Variants in NBAS observed in about 807,000 individuals in gnomAD.
The protein encoded by NBAS is NBAS subunit of NRZ tethering complex.
A neutral mutation model predicts 302.5 loss-of-function variants in NBAS; 219 were observed. The observed-to-expected ratio is 0.72, with a 90% CI of 0.65 to 0.81. The LOEUF (loss-of-function observed/expected upper bound fraction) is 0.81, where lower values mean the gene tolerates loss of function less well. Among genes scored for constraint, NBAS ranks in the 30% least tolerant of loss-of-function variants. The pLI is 0.00. For missense variants in NBAS, 2,932 were observed against 2,841.6 expected, an observed-to-expected ratio of 1.03 and a Z score of -0.72; for synonymous variants, 1,118 against 1,021.6, an observed-to-expected ratio of 1.09 and a Z score of -1.80.
chr2:15,016,385 C>A, the NBAS span, among the ~76,000 whole-genome samples: 91 of 152,156 alleles, frequency 6.0e-4, no homozygotes, highest in African/African-American at 2.0e-3. Flanking sequence ...GGGACACAGA[C>A]AAACTATATC....
intron 35 of NBAS, among the ~76,000 whole-genome samples, chr2:15,339,011 T>C (rs1672727175): frequency 1.3e-5 from 2 of 152,020 alleles, no homozygotes; most frequent in African/African-American, 4.8e-5. Flanking sequence ...CCAAACCCTG[T>C]CTCTAAAAAA....
At chr2:14,782,745 G>A in the NBAS span, among the ~76,000 whole-genome samples, 1 of 152,034 alleles carries the variant, frequency 6.6e-6, no homozygotes, top group African/African-American at 2.4e-5. Context: ...AGAAAACATG[G>A]TACATATACA....
intron 9 of NBAS, 103 bp downstream of exon 9, chr2:15,534,440 A>T (rs1663383148): frequency 3.5e-6 from 3 of 857,684 alleles, no homozygotes; most frequent in Non-Finnish European, 6.1e-6. Context: ...GCACAAGAGG[A>T]GGAAATTAAG....
chr2:15,008,446 C>T, the NBAS span, among the ~76,000 whole-genome samples: 1 of 152,228 alleles, frequency 6.6e-6, no homozygotes, highest in African/African-American at 2.4e-5. Flanking sequence ...CAAGTGGCCT[C>T]TCCAAGGTCC....
At chr2:15,479,032 C>CA (rs771400468) in intron 12 of NBAS, among the ~76,000 whole-genome samples, 3 of 152,046 alleles carry the variant, frequency 2.0e-5, no homozygotes, top group Non-Finnish European at 4.4e-5. Flanking sequence ...ATACTTAAGT[C>CA]AAAAAACTGT....
chr2:15,424,184 A>G (rs1677347394), intron 23 of NBAS, 131 bp downstream of exon 23: 248 of 854,474 alleles, frequency 2.9e-4, no homozygotes, highest in Non-Finnish European at 4.4e-4. Flanking sequence ...AGAAATAAAT[A>G]TTCAATTCAT....
chr2:14,991,467 A>T, the NBAS span, among the ~76,000 whole-genome samples: 2 of 152,184 alleles, frequency 1.3e-5, no homozygotes, highest in African/African-American at 4.8e-5. Flanking sequence ...TGTTGCAGGG[A>T]ACCACAGCCT....
intron 9 of NBAS, among the ~76,000 whole-genome samples, chr2:15,528,511 TAC>T (rs202131112): frequency 6.9e-5 from 6 of 87,096 alleles, no homozygotes; most frequent in East Asian, 2.0e-4. Context: ...TATACATATA[TAC>T]ACACACACAC....
Position 15,307,940 on chromosome 2 carries a change from T to C in NBAS, c.4797+276A>G, listed in dbSNP as rs59425926. ...CTCCATTTTGCCTTTCCTACTACTT[T>C]AGCCATTCCTAAGAACTTAGTAAAA... On this transcript the variant is annotated intron_variant, in intron 40 of 51. Coordinates refer to ENST00000281513, the MANE Select transcript of NBAS (RefSeq NM_015909.4). Among the ~76,000 whole-genome samples, 593 of 152,362 alleles carry C rather than the reference T, an allele frequency of 3.9e-3. 7 individuals are homozygous for C. Among genetic ancestry groups the C allele is most frequent in the African/African-American group, 0.013 (555 of 41,590 alleles).
chr2:15,190,513 T>C, intron 48 of NBAS, 110 bp from the exon 49 acceptor site: 1 of 1,309,996 alleles, frequency 7.6e-7, no homozygotes, highest in Non-Finnish European at 1.1e-6. Flanking sequence ...TTTTACAATG[T>C]GTTAAGATTC....
chr2:15,291,780 T>C (rs979804705), intron 41 of NBAS, among the ~76,000 whole-genome samples: 1 of 152,202 alleles, frequency 6.6e-6, no homozygotes, highest in African/African-American at 2.4e-5. Flanking sequence ...TGCCATGTGC[T>C]TTGAAAACTG....
intron 9 of NBAS, among the ~76,000 whole-genome samples, chr2:15,532,350 T>G (rs2111452): frequency 0.64 from 96,608 of 151,462 alleles, 31,523 homozygotes; most frequent in Non-Finnish European, 0.68. Context: ...TTAGCCGGGC[T>G]TGGTGGCAGG....
At chr2:15,418,119 G>A (rs756768470) in intron 23 of NBAS, among the ~76,000 whole-genome samples, 2 of 152,112 alleles carry the variant, frequency 1.3e-5, no homozygotes, top group Non-Finnish European at 2.9e-5. Context: ...CAAAAAGAAT[G>A]TTTGTTTTGA....
In NBAS at chr2:15,461,325, G is replaced by C; in HGVS notation, c.2215C>G (p.Gln739Glu). Residue 739 changes from glutamine to glutamate, a missense_variant, in exon 21 of 52, where the codon CAA becomes GAA. Physicochemically the swap from Gln to Glu is conservative, Grantham distance 29. Transcript: ENST00000281513. ...TAAGTAAACAGAATTTCCAGGGCTT[G>C]TACATTACTTTCCTGTACAAAAGGC... Reference protein sequence around the residue: ...ARTYAQESNVQALEILFTYHG... With the variant: ...ARTYAQESNVEALEILFTYHG... 1 of 1,612,150 alleles carries C rather than the reference G, an allele frequency of 6.2e-7. No homozygotes were observed. Among genetic ancestry groups the C allele is most frequent in the Non-Finnish European group, 8.5e-7 (1 of 1,178,348 alleles).
the NBAS span, among the ~76,000 whole-genome samples, chr2:14,953,731 T>C: frequency 1.4e-4 from 21 of 151,906 alleles, no homozygotes; most frequent in African/African-American, 4.8e-4. Context: ...AAAAGAAGAG[T>C]AGCACTGGAG....
intron 6 of NBAS, 136 bp downstream of exon 6, chr2:15,551,357 A>C (rs1664374874): frequency 9.3e-6 from 5 of 535,422 alleles, no homozygotes; most frequent in African/African-American, 3.9e-5. Flanking sequence ...AAAAAAAAGC[A>C]GTTTTTAAAA....
At chr2:14,926,216 A>T in the NBAS span, among the ~76,000 whole-genome samples, 1 of 152,190 alleles carries the variant, frequency 6.6e-6, no homozygotes, top group Non-Finnish European at 1.5e-5. Flanking sequence ...CCCATACTAC[A>T]ATTACGGGAA....
chr2:14,975,150 T>C, the NBAS span, among the ~76,000 whole-genome samples: 10,214 of 152,152 alleles, frequency 0.067, 883 homozygotes, highest in African/African-American at 0.19. Flanking sequence ...CCAGAGCCTC[T>C]AGATAAGAGC....
chr2:14,838,328 C>T, the NBAS span, among the ~76,000 whole-genome samples: 23 of 152,030 alleles, frequency 1.5e-4, no homozygotes, highest in Non-Finnish European at 1.9e-4. Flanking sequence ...ATGTGTTTCA[C>T]TTGCTATTAA....
Sources: allele counts gnomAD v4.1 joint callset (sites outside exome capture counted in the v4.1 genomes callset), GRCh38; gene constraint gnomAD v4.1.1; transcripts MANE v1.5; gene names NCBI Gene and HGNC (gene_info 2026-07-23, HGNC 2026-07-21).